Variants in REEP1 observed in about 807,000 individuals in gnomAD.
REEP1 encodes the protein receptor accessory protein 1, also known as receptor expression-enhancing protein 1.
In REEP1, 22 loss-of-function variants were observed where a neutral mutation model predicts 40.3. The observed-to-expected ratio is 0.55, with a 90% CI of 0.39 to 0.78. The LOEUF (loss-of-function observed/expected upper bound fraction) is 0.78, where lower values mean the gene tolerates loss of function less well. Among genes scored for constraint, REEP1 ranks in the 30% least tolerant of loss-of-function variants. The pLI is 0.00. For missense variants in REEP1, 280 were observed against 361.1 expected, an observed-to-expected ratio of 0.78 and a Z score of 1.82; for synonymous variants, 116 against 139.2, an observed-to-expected ratio of 0.83 and a Z score of 1.17.
chr2:86,273,011 C>A (rs1002054229), intron 2 of REEP1, among the ~76,000 whole-genome samples: 6 of 152,020 alleles, frequency 3.9e-5, no homozygotes, highest in Non-Finnish European at 7.4e-5. Context: ...GTAGTCACAG[C>A]TACCAGGGTG....
chr2:86,273,485 C>T (rs1418566272), intron 2 of REEP1, among the ~76,000 whole-genome samples: 1 of 151,974 alleles, frequency 6.6e-6, no homozygotes, highest in Non-Finnish European at 1.5e-5. Flanking sequence ...AGGGTCTCAC[C>T]ATGTTGCCCA....
At chr2:86,325,428 A>G (rs892836646) in intron 1 of REEP1, among the ~76,000 whole-genome samples, 35 of 152,224 alleles carry the variant, frequency 2.3e-4, no homozygotes, top group African/African-American at 7.2e-4. Flanking sequence ...CTAATTCCTA[A>G]AACCCGTGAA....
At chr2:86,330,971 G>A (rs1680736073) in intron 1 of REEP1, among the ~76,000 whole-genome samples, 1 of 152,296 alleles carries the variant, frequency 6.6e-6, no homozygotes, top group African/African-American at 2.4e-5. Context: ...AGCATTTAAA[G>A]TTTTCATTCT....
chr2:86,217,650 G>C (rs1389355555), intron 8 of REEP1, among the ~76,000 whole-genome samples: 1 of 133,284 alleles, frequency 7.5e-6, no homozygotes, highest in Non-Finnish European at 1.6e-5. Flanking sequence ...GGAGTCAGAA[G>C]TGTTTGGGAT....
intron 3 of REEP1, among the ~76,000 whole-genome samples, chr2:86,257,473 G>GTAT (rs1435352044): frequency 1.3e-5 from 2 of 152,024 alleles, no homozygotes; most frequent in Non-Finnish European, 2.9e-5. Flanking sequence ...CTAGGGCGAG[G>GTAT]GATACATCAT....
intron 1 of REEP1, among the ~76,000 whole-genome samples, chr2:86,317,869 C>T (rs548690135): frequency 5.3e-5 from 8 of 152,202 alleles, no homozygotes; most frequent in Middle Eastern, 3.4e-3. Flanking sequence ...CTGAATTATC[C>T]GCTTTTTTTC....
At chr2:86,250,014 T>C (rs1341971365) in intron 5 of REEP1, among the ~76,000 whole-genome samples, 2 of 152,220 alleles carry the variant, frequency 1.3e-5, no homozygotes, top group African/African-American at 4.8e-5. Flanking sequence ...CTGAGGCAAC[T>C]TTCAGACTGT....
At position 86,215,469 on chromosome 2, in the gene REEP1, T is replaced by C. The variant is rs1462667025; in HGVS notation, c.*1570A>G. ...TTAATTGGGCCTGTTTATAGTTGAC[T>C]GACAGTAAGTTCTATATGGTATATA... On this transcript the variant is annotated 3_prime_UTR_variant, in exon 9 of 9. Transcript: ENST00000538924. 1.3e-5 allele frequency: 2 copies of C among 152,632 alleles called. No individual in the cohort carries two copies. Among genetic ancestry groups the C allele is most frequent in the Non-Finnish European group, 2.9e-5 (2 of 68,042 alleles). 9.5% of individuals were successfully genotyped at this position (152,632 alleles called of 1,614,324 possible).
At chr2:86,242,187 G>A (rs1675702156) in intron 5 of REEP1, among the ~76,000 whole-genome samples, 1 of 152,152 alleles carries the variant, frequency 6.6e-6, no homozygotes, top group Non-Finnish European at 1.5e-5. Context: ...TCCTGTGGCA[G>A]GTACTATGAT....
At chr2:86,263,223 T>TTTTG (rs751283936) in intron 3 of REEP1, among the ~76,000 whole-genome samples, 2 of 152,034 alleles carry the variant, frequency 1.3e-5, no homozygotes, top group East Asian at 1.9e-4. Flanking sequence ...ATATATTAGT[T>TTTTG]TTTGTTTGTT....
chr2:86,328,127 G>A (rs6728007), intron 1 of REEP1, among the ~76,000 whole-genome samples: 5,623 of 152,220 alleles, frequency 0.037, 355 homozygotes, highest in African/African-American at 0.13. Context: ...GGAGGGGCAC[G>A]TGTGGACTCG....
intron 7 of REEP1, among the ~76,000 whole-genome samples, chr2:86,226,116 AT>A (rs1370785218): frequency 8.3e-6 from 1 of 120,308 alleles, no homozygotes; most frequent in Non-Finnish European, 1.8e-5. Context: ...CACCACCACC[AT>A]CATCACCACC....
chr2:86,304,848 T>G (rs1209572292), intron 1 of REEP1, among the ~76,000 whole-genome samples: 1 of 152,194 alleles, frequency 6.6e-6, no homozygotes, highest in African/African-American at 2.4e-5. Flanking sequence ...CTGAGATGTC[T>G]GCAGGTTACT....
chr2:86,288,029 A>ATTTTTTTTTTTTTTTTTTTTTT (rs1558916443), intron 1 of REEP1, among the ~76,000 whole-genome samples: 18 of 148,582 alleles, frequency 1.2e-4, no homozygotes, highest in African/African-American at 4.7e-4. Flanking sequence ...TTTTATTTTT[A>ATTTTTTTTTTTTTTTTTTTTTT]TTATTTTTTT....
At chr2:86,296,097 G>A (rs992074403) in intron 1 of REEP1, among the ~76,000 whole-genome samples, 1 of 152,130 alleles carries the variant, frequency 6.6e-6, no homozygotes, top group African/African-American at 2.4e-5. Flanking sequence ...ACAATCATAG[G>A]TGACCATAAG....
At chr2:86,232,139 T>C (rs1287396367) in intron 6 of REEP1, among the ~76,000 whole-genome samples, 1 of 151,898 alleles carries the variant, frequency 6.6e-6, no homozygotes, top group East Asian at 1.9e-4. Flanking sequence ...AGGTCAGAGA[T>C]GAGAAGGAGA....
At chr2:86,297,161 G>C (rs953354063) in intron 1 of REEP1, among the ~76,000 whole-genome samples, 1 of 152,242 alleles carries the variant, frequency 6.6e-6, no homozygotes, top group South Asian at 2.1e-4. Flanking sequence ...CCTGCCCAGA[G>C]AGCTGGCCAG....
intron 3 of REEP1, among the ~76,000 whole-genome samples, chr2:86,258,755 G>A (rs953560739): frequency 2.6e-5 from 4 of 152,276 alleles, no homozygotes; most frequent in African/African-American, 7.2e-5. Context: ...ACTCCTTGAA[G>A]AGCCCTGACC....
chr2:86,317,783 TCATA>T (rs1680085256), intron 1 of REEP1, among the ~76,000 whole-genome samples: 1 of 152,250 alleles, frequency 6.6e-6, no homozygotes, highest in African/African-American at 2.4e-5. Context: ...TAAGTAGCAC[TCATA>T]CAGTGTTTCT....
Sources: gnomAD v4.1 joint callset for allele counts (sites outside exome capture counted in the v4.1 genomes callset) on GRCh38, gnomAD v4.1.1 for gene constraint, MANE v1.5 for transcripts, NCBI Gene and HGNC (gene_info 2026-07-23, HGNC 2026-07-21) for gene names.